The following KIAA1549 variants were observed in gnomAD, a reference collection of about 807,000 sequenced individuals.
The protein encoded by KIAA1549 is KIAA1549, also known as UPF0606 protein KIAA1549.
A neutral mutation model predicts 156.4 loss-of-function variants in KIAA1549; 70 were observed. The observed-to-expected ratio is 0.45, with a 90% CI of 0.37 to 0.55. KIAA1549 has a LOEUF of 0.55. Ranked by LOEUF, KIAA1549 falls within the 20% of genes least tolerant of loss-of-function variation. KIAA1549 has a pLI of 0.00. For missense variants in KIAA1549, 2,428 were observed against 2,540.9 expected, an observed-to-expected ratio of 0.96 and a Z score of 0.96; for synonymous variants, 1,103 against 1,066.4, an observed-to-expected ratio of 1.03 and a Z score of -0.67.
chr7:138,861,486 A>T (rs1484422625), intron 15 of KIAA1549, 30 bp from the exon 16 acceptor site: 1 of 1,566,208 alleles, frequency 6.4e-7, no homozygotes, highest in Middle Eastern at 1.7e-4. Flanking sequence ...AGGAAGAATC[A>T]CACATGAGTT....
chr7:138,978,561 C>G (rs1172682011), intron 1 of KIAA1549, among the ~76,000 whole-genome samples: 2 of 151,904 alleles, frequency 1.3e-5, no homozygotes, highest in Non-Finnish European at 2.9e-5. Flanking sequence ...GAGATTTAAC[C>G]AAAGACTGTA....
chr7:138,875,474 G>A (rs996368781), intron 12 of KIAA1549, among the ~76,000 whole-genome samples: 1 of 151,832 alleles, frequency 6.6e-6, no homozygotes, highest in Non-Finnish European at 1.5e-5. Flanking sequence ...GCAAGACCTC[G>A]TCTCTACAAA....
intron 12 of KIAA1549, among the ~76,000 whole-genome samples, chr7:138,874,802 T>C (rs1811032722): frequency 6.6e-6 from 1 of 151,782 alleles, no homozygotes; most frequent in Admixed American, 6.6e-5. Flanking sequence ...CCAGGAGTTC[T>C]AGACCAGCCT....
intron 1 of KIAA1549, among the ~76,000 whole-genome samples, chr7:138,935,389 G>A (rs1257635120): frequency 6.6e-6 from 1 of 152,168 alleles, no homozygotes; most frequent in African/African-American, 2.4e-5. Context: ...TAAATAAAAT[G>A]CAATCCTCTT....
intron 10 of KIAA1549, among the ~76,000 whole-genome samples, chr7:138,882,968 T>G (rs1384216773): frequency 6.6e-6 from 1 of 151,738 alleles, no homozygotes; most frequent in African/African-American, 2.4e-5. Flanking sequence ...ATGCTATTTG[T>G]TGGCTGGGCA....
chr7:138,962,221 T>C (rs6968541), intron 1 of KIAA1549, among the ~76,000 whole-genome samples: 14,348 of 152,308 alleles, frequency 0.094, 787 homozygotes, highest in South Asian at 0.19. Flanking sequence ...TTTAGTTACC[T>C]ATTATTATGT....
chr7:138,972,411 A>AC (rs1257440406), intron 1 of KIAA1549, among the ~76,000 whole-genome samples: 3 of 89,340 alleles, frequency 3.4e-5, no homozygotes, highest in Admixed American at 2.9e-4. Context: ...TCTCAGCTGC[A>AC]CCCCCTCCTC....
At chr7:138,874,723 G>C (rs987202297) in intron 12 of KIAA1549, among the ~76,000 whole-genome samples, 2 of 152,200 alleles carry the variant, frequency 1.3e-5, no homozygotes, top group African/African-American at 4.8e-5. Context: ...ACAACTAGAG[G>C]CTGGACATGG....
chr7:138,870,917 A>T (rs1029329205), intron 13 of KIAA1549, among the ~76,000 whole-genome samples: 2 of 152,166 alleles, frequency 1.3e-5, no homozygotes, highest in Non-Finnish European at 2.9e-5. Context: ...TCCCGGGTTC[A>T]AGTGATTCTC....
At chr7:138,875,037 G>A (rs866374458) in intron 12 of KIAA1549, among the ~76,000 whole-genome samples, 1 of 149,698 alleles carries the variant, frequency 6.7e-6, no homozygotes, top group African/African-American at 2.5e-5. Context: ...AGGAGGAATG[G>A]GTTGAGCACC....
chr7:138,962,275 T>C (rs1415956670), intron 1 of KIAA1549, among the ~76,000 whole-genome samples: 3 of 152,270 alleles, frequency 2.0e-5, no homozygotes, highest in African/African-American at 7.2e-5. Context: ...GAGAGCTTTC[T>C]CAAGTAATTG....
In KIAA1549 at chr7:138,981,203, G is replaced by A. The variant is rs1279721609; in HGVS notation, c.67C>T (p.Leu23=). The change falls in exon 1 of 20, where the codon CTG becomes TTG. Residue 23 remains leucine (L), a synonymous_variant. Coordinates refer to ENST00000422774, the MANE Select transcript of KIAA1549 (RefSeq NM_001164665.2). This position sits in a 1 kb window ranked among gnomAD's most constrained non-coding sequence, Gnocchi z 4.5. The part of the protein sequence containing the change: ...MEGKPRAGVA[L]APGPSGRRPS... ...CGTCGGCCGCTCGGCCCCGGGGCCA[G>A]CGCGACCCCGGCGCGGGGCTTCCCC... The A allele has an allele frequency of 1.9e-6, 2 of 1,039,752 alleles. No individual in the cohort carries two copies. Among genetic ancestry groups the A allele is most frequent in the South Asian group, 4.4e-5 (1 of 22,622 alleles). The allele number at this position is 1,039,752 out of a possible 1,614,324, so 64.4% of individuals were successfully genotyped here. A position where few individuals can be genotyped will look rare whatever the true frequency, so the allele number is the denominator to read the frequency against.
intron 1 of KIAA1549, among the ~76,000 whole-genome samples, chr7:138,943,863 CA>C (rs367938533): frequency 0.1 from 15,178 of 145,890 alleles, 900 homozygotes; most frequent in South Asian, 0.2. Context: ...AAAAACAAAA[CA>C]AAAAAAAAAT....
chr7:138,909,677 C>T (rs929851050), intron 4 of KIAA1549, among the ~76,000 whole-genome samples: 1 of 152,124 alleles, frequency 6.6e-6, no homozygotes, highest in African/African-American at 2.4e-5. Flanking sequence ...CCAGGTACAG[C>T]GGCTCACGCC....
In KIAA1549 at chr7:138,841,891, T is replaced by TAA. The variant is rs1563044859; in HGVS notation, c.5453-1614_5453-1613insTT. ...GACAACCTCAATTAATCAACCACAT[T>TAA]TAAAAAAAAAAAAAAAGAACTCCTC... is the stretch of plus-strand genomic sequence containing the variant. On this transcript the variant is annotated intron_variant, in intron 18 of 19. Coordinates refer to ENST00000422774, the MANE Select transcript of KIAA1549 (RefSeq NM_001164665.2). 1.3e-4 allele frequency among the ~76,000 whole-genome samples: 11 copies of TAA among 82,280 alleles called. No homozygotes were observed. In the East Asian group the frequency reaches 8.0e-3, roughly 60 times the overall value. 54.0% of individuals were successfully genotyped at this position (82,280 alleles called of 152,430 possible).
At chr7:138,883,967 G>A (rs1277779706) in intron 10 of KIAA1549, among the ~76,000 whole-genome samples, 1 of 152,196 alleles carries the variant, frequency 6.6e-6, no homozygotes, top group Non-Finnish European at 1.5e-5. Context: ...GGTAGCTGCA[G>A]GATGGGGGCT....
At chr7:138,847,533 G>C (rs1024396418) in intron 17 of KIAA1549, among the ~76,000 whole-genome samples, 3 of 152,196 alleles carry the variant, frequency 2.0e-5, no homozygotes, top group African/African-American at 4.8e-5. Flanking sequence ...TGGTTTCTGA[G>C]ATTCACTCTG....
In KIAA1549 at chr7:138,861,026, T is replaced by C. The variant is rs907840297; in HGVS notation, c.5247+113A>G. 382 of 1,036,084 alleles carry C rather than the reference T, an allele frequency of 3.7e-4. 1 individual carries two copies. Among genetic ancestry groups the C allele is most frequent in the Admixed American group, 2.1e-4 (9 of 43,756 alleles). 64.2% of individuals were successfully genotyped at this position (1,036,084 alleles called of 1,614,324 possible). A position where few individuals can be genotyped will look rare whatever the true frequency, so the allele number is the denominator to read the frequency against. On this transcript the variant is annotated intron_variant, in intron 16 of 19. Transcript: ENST00000422774. ...AAAACTAAGACCCATCACCCGAGTT[T>C]TAATTCTTATCAAATGCAACCACGG...
At chr7:138,877,329 A>C (rs1387520896) in intron 12 of KIAA1549, among the ~76,000 whole-genome samples, 1 of 152,166 alleles carries the variant, frequency 6.6e-6, no homozygotes, top group Non-Finnish European at 1.5e-5. Context: ...CCCCATTTCT[A>C]CTAAAAATAC....
Sources: allele counts gnomAD v4.1 joint callset (sites outside exome capture counted in the v4.1 genomes callset), GRCh38; gene constraint gnomAD v4.1.1; non-coding constraint Gnocchi (gnomAD v3.1); transcripts MANE v1.5; gene names NCBI Gene and HGNC (gene_info 2026-07-23, HGNC 2026-07-21).